SCAF4: variants seen among roughly 807,000 people sequenced by gnomAD.
The protein encoded by SCAF4 is SR-related CTD associated factor 4, also known as SR-related and CTD-associated factor 4.
SCAF4 carries 25 observed loss-of-function variants against 129.8 expected under a neutral mutation model. The observed-to-expected ratio is 0.19, with a 90% CI of 0.14 to 0.27. The LOEUF (loss-of-function observed/expected upper bound fraction) is 0.27, where lower values mean the gene tolerates loss of function less well. Among genes scored for constraint, SCAF4 ranks in the 10% least tolerant of loss-of-function variants. SCAF4 has a pLI of 1.00. For synonymous variants in SCAF4, 551 were observed against 497.7 expected (o/e 1.11, Z -1.43); for missense variants, 1,246 against 1,457.1 (o/e 0.86, Z 2.36).
At chr21:31,726,491 G>A (rs1049499253) in intron 1 of SCAF4, among the ~76,000 whole-genome samples, 2 of 151,864 alleles carry the variant, frequency 1.3e-5, no homozygotes, top group Non-Finnish European at 1.5e-5. Context: ...GCCAAACCCC[G>A]TGTCTACCGA....
At chr21:31,707,941 G>C (rs1340042123) in intron 1 of SCAF4, among the ~76,000 whole-genome samples, 1 of 152,148 alleles carries the variant, frequency 6.6e-6, no homozygotes, top group Non-Finnish European at 1.5e-5. Flanking sequence ...ACAGAAAACA[G>C]AGAAAACACT....
At chr21:31,717,894 TAC>T (rs1380741334) in intron 1 of SCAF4, among the ~76,000 whole-genome samples, 9 of 107,358 alleles carry the variant, frequency 8.4e-5, no homozygotes, top group South Asian at 6.2e-4. Context: ...TACACATATA[TAC>T]ACATATATAC....
Position 31,671,840 on chromosome 21 carries a change from T to G in SCAF4, c.3003A>C (p.Gly1001=). ...CCACCCTATTTCCAAAAGATCTTCT[T>G]CCAAACCTTTCTTGGTCTCTACCTG... ...FNSGRDQERF[G]RRSFGNRVEN... Residue 1001 remains glycine (G), a synonymous_variant, in exon 20 of 20, where the codon GGA becomes GGC. Coordinates refer to ENST00000286835, the MANE Select transcript of SCAF4 (RefSeq NM_020706.2). 1.2e-6 allele frequency: 2 copies of G among 1,614,184 alleles called. No homozygotes were observed. The highest frequency in any genetic ancestry group is 1.6e-4 in the Middle Eastern group (1 of 6,062).
chr21:31,685,819 A>G, intron 16 of SCAF4, 86 bp from the exon 17 acceptor site: 1 of 1,284,144 alleles, frequency 7.8e-7, no homozygotes, highest in East Asian at 2.4e-5. Context: ...CAAACTGTTG[A>G]AAAAATAGAT....
chr21:31,699,526 A>G (rs1028605522), intron 7 of SCAF4, among the ~76,000 whole-genome samples: 7 of 150,470 alleles, frequency 4.7e-5, no homozygotes, highest in Non-Finnish European at 7.4e-5. Flanking sequence ...CTGCAAGTAT[A>G]TATTTCCTTT....
At chr21:31,719,288 C>CT (rs1245185156) in intron 1 of SCAF4, among the ~76,000 whole-genome samples, 11 of 151,034 alleles carry the variant, frequency 7.3e-5, no homozygotes, top group African/African-American at 2.7e-4. Flanking sequence ...GAAACTCTGT[C>CT]CCAAAAAAAA....
At chr21:31,731,472 C>CG (rs2051357490) in intron 1 of SCAF4, among the ~76,000 whole-genome samples, 191 bp downstream of exon 1, 1 of 151,882 alleles carries the variant, frequency 6.6e-6, no homozygotes, top group South Asian at 2.1e-4. Context: ...GGGAGGGGTG[C>CG]GGGGTCAGTT....
intron 1 of SCAF4, among the ~76,000 whole-genome samples, chr21:31,717,192 C>G (rs2050939847): frequency 6.6e-6 from 1 of 152,054 alleles, no homozygotes; most frequent in South Asian, 2.1e-4. Flanking sequence ...AAAACAAGAA[C>G]TAAAAAATGT....
Position 31,731,787 on chromosome 21 carries a change from C to G in SCAF4, c.-95G>C. On this transcript the variant is annotated 5_prime_UTR_variant, in exon 1 of 20. Coordinates refer to ENST00000286835, the MANE Select transcript of SCAF4 (RefSeq NM_020706.2). ...CTGGGAAACCAGCCGGGCCTGGTGGCCGGGGGGAGGCGACGAGCGGCGGAG... is the reference window on the plus strand; with the variant it reads ...CTGGGAAACCAGCCGGGCCTGGTGGGCGGGGGGAGGCGACGAGCGGCGGAG... 7.2e-7 allele frequency: 1 copy of G among 1,389,770 alleles called. No homozygotes were observed. The highest frequency in any genetic ancestry group is 9.4e-7 in the Non-Finnish European group (1 of 1,058,380). 86.1% of individuals were successfully genotyped at this position (1,389,770 alleles called of 1,614,324 possible).
chr21:31,716,575 A>C (rs1409140952), intron 1 of SCAF4, among the ~76,000 whole-genome samples: 1 of 152,156 alleles, frequency 6.6e-6, no homozygotes, highest in Non-Finnish European at 1.5e-5. Context: ...CTGTATAACA[A>C]AGCACACGCT....
Position 31,709,087 on chromosome 21 carries a change from A to C in SCAF4, c.31-2730T>G, listed in dbSNP as rs998317020. ...CTCTAATTTATGGAGAAGCTAGGTAAGAAAGCCTTCACCTGTCTGTTCTTT... is the reference window on the plus strand; with the variant it reads ...CTCTAATTTATGGAGAAGCTAGGTACGAAAGCCTTCACCTGTCTGTTCTTT... On this transcript the variant is annotated intron_variant, in intron 1 of 19. Coordinates refer to ENST00000286835, the MANE Select transcript of SCAF4 (RefSeq NM_020706.2). Among the ~76,000 whole-genome samples the C allele has an allele frequency of 3.9e-5, 6 of 152,322 alleles. No homozygotes were observed. The East Asian group carries it at 1.2e-3, about 29-fold the overall frequency.
chr21:31,724,380 C>T (rs1044955761), intron 1 of SCAF4, among the ~76,000 whole-genome samples: 29 of 151,912 alleles, frequency 1.9e-4, no homozygotes, highest in African/African-American at 7.0e-4. Context: ...CCAATGTTAC[C>T]AAAATTTTGA....
intron 1 of SCAF4, among the ~76,000 whole-genome samples, chr21:31,714,632 C>G (rs2050881766): frequency 1.3e-5 from 2 of 152,150 alleles, no homozygotes; most frequent in South Asian, 4.1e-4. Flanking sequence ...GCCTGTGATA[C>G]CTGCAGAATT....
chr21:31,671,318 G>A lies in SCAF4; in HGVS notation c.*81C>T. ...GGCGCGGGGCTGCAGTACAGCGGGAGCGGATATAATACAGCATCTGTACAC... is the reference window on the plus strand; with the variant it reads ...GGCGCGGGGCTGCAGTACAGCGGGAACGGATATAATACAGCATCTGTACAC... On this transcript the variant is annotated 3_prime_UTR_variant, in exon 20 of 20. Coordinates refer to ENST00000286835, the MANE Select transcript of SCAF4 (RefSeq NM_020706.2). 4 of 1,493,586 alleles carry A rather than the reference G, an allele frequency of 2.7e-6. No individual in the cohort carries two copies. The highest frequency in any genetic ancestry group is 4.2e-5 in the Admixed American group (2 of 48,064). 92.5% of individuals were successfully genotyped at this position (1,493,586 alleles called of 1,614,324 possible).
intron 19 of SCAF4, among the ~76,000 whole-genome samples, chr21:31,681,875 G>A (rs1033586628): frequency 6.6e-6 from 1 of 152,118 alleles, no homozygotes; most frequent in African/African-American, 2.4e-5. Flanking sequence ...CTTCACTACA[G>A]AATTTTTGGA....
intron 1 of SCAF4, among the ~76,000 whole-genome samples, chr21:31,731,133 C>G (rs1697609501): frequency 6.6e-6 from 1 of 152,226 alleles, no homozygotes; most frequent in Admixed American, 6.5e-5. Flanking sequence ...CTCTTCAACT[C>G]CTCCCAGACC....
chr21:31,671,516 A>C lies in SCAF4; in HGVS notation c.3327T>G (p.Leu1109=). ...QVGNVDTASE[L]EKGVSEAAVL... is the part of the protein sequence containing the mutation. ...CTGCAGCCTCAGACACCCCCTTCTC[A>C]AGTTCTGAAGCAGTGTCTACATTTC... The change falls in exon 20 of 20, where the codon CTT becomes CTG. Residue 1109 remains leucine, a synonymous_variant. Transcript: ENST00000286835. The C allele has an allele frequency of 6.2e-7, 1 of 1,614,114 alleles. No homozygotes were observed. The highest frequency in any genetic ancestry group is 1.1e-5 in the South Asian group (1 of 91,074).
intron 1 of SCAF4, among the ~76,000 whole-genome samples, chr21:31,721,277 T>C (rs1025039456): frequency 6.6e-6 from 1 of 152,250 alleles, no homozygotes; most frequent in African/African-American, 2.4e-5. Flanking sequence ...TTATTTCAAC[T>C]GATCCCTAAA....
intron 18 of SCAF4, 38 bp from the exon 19 acceptor site, chr21:31,685,278 A>G (rs765548453): frequency 6.6e-7 from 1 of 1,523,828 alleles, no homozygotes; most frequent in Non-Finnish European, 9.1e-7. Flanking sequence ...GAAGCTGAAT[A>G]ATTAATTATC....
Sources: gnomAD v4.1 joint callset for allele counts (sites outside exome capture counted in the v4.1 genomes callset) on GRCh38, gnomAD v4.1.1 for gene constraint, MANE v1.5 for transcripts, NCBI Gene and HGNC (gene_info 2026-07-23, HGNC 2026-07-21) for gene names.